Variants in PTPRG observed in about 807,000 individuals in gnomAD.
PTPRG encodes protein tyrosine phosphatase receptor type G.
In PTPRG, 102 loss-of-function variants were observed where a neutral mutation model predicts 165.3. The ratio of observed to expected loss-of-function variants is 0.62; its 90% CI spans 0.53 to 0.73. PTPRG has a LOEUF of 0.73. Ranked by LOEUF, PTPRG falls within the 30% of genes least tolerant of loss-of-function variation. The pLI, the probability that PTPRG is intolerant of heterozygous loss-of-function variation, is 0.00. For missense variants in PTPRG, 1,866 were observed against 1,861.4 expected, an observed-to-expected ratio of 1.00 and a Z score of -0.05; for synonymous variants, 675 against 669.5, an observed-to-expected ratio of 1.01 and a Z score of -0.13.
At chr3:61,871,240 T>C (rs538629241) in intron 2 of PTPRG, among the ~76,000 whole-genome samples, 24 of 150,954 alleles carry the variant, frequency 1.6e-4, no homozygotes, top group African/African-American at 4.6e-4. Flanking sequence ...GTTAATGTTA[T>C]ATTTTAAGAC....
At chr3:61,911,946 G>T (rs1337035620) in intron 2 of PTPRG, among the ~76,000 whole-genome samples, 1 of 152,074 alleles carries the variant, frequency 6.6e-6, no homozygotes, top group Non-Finnish European at 1.5e-5. Flanking sequence ...TTCACTCCTG[G>T]TAAATCTGTG....
chr3:61,833,562 C>G (rs1016277613), intron 2 of PTPRG, among the ~76,000 whole-genome samples: 8 of 151,972 alleles, frequency 5.3e-5, no homozygotes, highest in African/African-American at 1.9e-4. Context: ...GTTTTCCTTT[C>G]TTTTCTTTTT....
At chr3:61,797,373 C>T (rs1201535596) in intron 2 of PTPRG, among the ~76,000 whole-genome samples, 6 of 152,228 alleles carry the variant, frequency 3.9e-5, no homozygotes. Context: ...TCATTGGTGT[C>T]TGACTTCATG....
At chr3:61,999,553 T>C (rs1236214419) in intron 3 of PTPRG, among the ~76,000 whole-genome samples, 1 of 152,228 alleles carries the variant, frequency 6.6e-6, no homozygotes, top group Non-Finnish European at 1.5e-5. Flanking sequence ...CCTTCCAGTT[T>C]GTGCCTTATC....
intron 2 of PTPRG, among the ~76,000 whole-genome samples, chr3:61,766,983 C>T (rs186857207): frequency 6.6e-6 from 1 of 151,792 alleles, no homozygotes; most frequent in Non-Finnish European, 1.5e-5. Flanking sequence ...CTGGCTCAGG[C>T]CTGTAATACC....
rs552270525 is a variant in PTPRG, at chr3:62,156,923, C to T, written c.683-144C>T. ...GCTTTGTTTACTGAGGCTCTCCCAC[C>T]ACCAAATGCTAGTGCTTCTCAGGAT... On this transcript the variant is annotated intron_variant, in intron 6 of 29. Transcript: ENST00000474889. The T allele has an allele frequency of 2.5e-5, 19 of 746,166 alleles. No individual in the cohort carries two copies. The South Asian group carries it at 2.6e-4, about 10-fold the overall frequency. The allele number at this position is 746,166 out of a possible 1,614,324, so 46.2% of individuals were successfully genotyped here.
At chr3:62,166,197 CTTTTTTTTTTTTTTTTTTTTTTTT>C (rs564761041) in intron 7 of PTPRG, among the ~76,000 whole-genome samples, 5 of 53,932 alleles carry the variant, frequency 9.3e-5, no homozygotes, top group South Asian at 8.1e-4. Flanking sequence ...AATTACAGTT[CTTTTTTTTTTTTTTTTTTTTTTTT>C]TTTTTTTTTT....
intron 1 of PTPRG, among the ~76,000 whole-genome samples, chr3:61,738,835 T>A (rs1713530): frequency 0.79 from 120,029 of 151,950 alleles, 47,574 homozygotes; most frequent in Middle Eastern, 0.84. Flanking sequence ...AGTGCAGTGG[T>A]GCCATCACGG....
rs780013182 is a variant in PTPRG at position 62,243,827 on chromosome 3, A to G, written c.2396A>G (p.His799Arg). The G allele has an allele frequency of 1.9e-6, 3 of 1,591,324 alleles. No homozygotes were observed. The highest frequency in any genetic ancestry group is 2.6e-6 in the Non-Finnish European group (3 of 1,160,228). ...KGSRKCFQTAHFYVEDSSSPR... is the reference protein window; with the variant it reads ...KGSRKCFQTARFYVEDSSSPR... ...CACAGAAAATGTTTTCAGACTGCTC[A>G]TTTCTATGTGGAAGACAGCAGTTCA... is the stretch of plus-strand genomic sequence containing the variant. The change falls in exon 15 of 30, where the codon CAT becomes CGT. Residue 799 changes from histidine (H) to arginine (R), a missense_variant. Coordinates refer to ENST00000474889, the MANE Select transcript of PTPRG (RefSeq NM_002841.4).
chr3:61,945,493 C>T (rs1462613963), intron 2 of PTPRG, among the ~76,000 whole-genome samples: 3 of 122,232 alleles, frequency 2.5e-5, no homozygotes. Flanking sequence ...CGGAAGGTGG[C>T]GGTTGCAGTG....
At chr3:61,892,816 CA>C (rs1311103826) in intron 2 of PTPRG, among the ~76,000 whole-genome samples, 1,642 of 120,362 alleles carry the variant, frequency 0.014, 13 homozygotes, top group African/African-American at 0.037. Context: ...AACTCTGTCT[CA>C]AAAAAAAAAA....
chr3:61,654,108 T>C (rs954777486), intron 1 of PTPRG, among the ~76,000 whole-genome samples: 1 of 152,162 alleles, frequency 6.6e-6, no homozygotes, highest in Admixed American at 6.5e-5. Context: ...CAGTTTACTC[T>C]TGTGCCTTAT....
chr3:61,942,284 G>A (rs1249556331), intron 2 of PTPRG, among the ~76,000 whole-genome samples: 1 of 152,034 alleles, frequency 6.6e-6, no homozygotes, highest in African/African-American at 2.4e-5. Flanking sequence ...CATCTGTACT[G>A]CCTTCTAACT....
At chr3:61,647,586 C>G (rs368432780) in intron 1 of PTPRG, among the ~76,000 whole-genome samples, 3 of 151,976 alleles carry the variant, frequency 2.0e-5, no homozygotes, top group Non-Finnish European at 4.4e-5. Context: ...GTCAGGAGAT[C>G]GAGACCATCC....
intron 5 of PTPRG, among the ~76,000 whole-genome samples, chr3:62,110,377 C>G (rs958607078): frequency 6.6e-6 from 1 of 152,034 alleles, no homozygotes; most frequent in Non-Finnish European, 1.5e-5. Flanking sequence ...CTGATTACAT[C>G]GGACGTTCCA....
At chr3:62,122,924 T>C (rs965753573) in intron 5 of PTPRG, among the ~76,000 whole-genome samples, 6 of 152,134 alleles carry the variant, frequency 3.9e-5, no homozygotes, top group Non-Finnish European at 8.8e-5. Context: ...CCCCAACCTG[T>C]CTTGTGGGAG....
At chr3:62,087,973 A>G (rs957200804) in intron 5 of PTPRG, among the ~76,000 whole-genome samples, 1 of 152,130 alleles carries the variant, frequency 6.6e-6, no homozygotes, top group African/African-American at 2.4e-5. Context: ...CCTCCCTTTT[A>G]TAAAAAGGCT....
intron 25 of PTPRG, 22 bp downstream of exon 25, chr3:62,277,070 TAA>T: frequency 6.3e-7 from 1 of 1,590,668 alleles, no homozygotes; most frequent in South Asian, 1.1e-5. Flanking sequence ...CAGTTAATTA[TAA>T]ATAAAGTCAA....
chr3:62,072,635 G>T (rs962597087), intron 4 of PTPRG, among the ~76,000 whole-genome samples: 1 of 151,580 alleles, frequency 6.6e-6, no homozygotes, highest in Non-Finnish European at 1.5e-5. Flanking sequence ...GTGTGTGTGT[G>T]TGTGTGTGTG....
Sources: allele counts gnomAD v4.1 joint callset (sites outside exome capture counted in the v4.1 genomes callset), GRCh38; gene constraint gnomAD v4.1.1; transcripts MANE v1.5; gene names NCBI Gene and HGNC (gene_info 2026-07-23, HGNC 2026-07-21).